CFH: variants seen among roughly 807,000 people sequenced by gnomAD.
CFH encodes the protein complement factor H, also known as H factor 1 (complement).
CFH carries 53 observed loss-of-function variants against 147.3 expected under a neutral mutation model. That is an observed-to-expected ratio of 0.36 (90% CI 0.29 to 0.45). The LOEUF (loss-of-function observed/expected upper bound fraction) is 0.45. Among genes scored for constraint, CFH ranks in the 20% least tolerant of loss-of-function variants. The pLI, the probability that CFH is intolerant of heterozygous loss-of-function variation, is 1.00. For missense variants in CFH, 1,380 were observed against 1,498.0 expected (o/e 0.92, Z 1.30); for synonymous variants, 536 against 489.4 (o/e 1.10, Z -1.26).
chr1:196,696,592 T>A (rs1016833687), intron 9 of CFH, among the ~76,000 whole-genome samples: 2 of 152,162 alleles, frequency 1.3e-5, no homozygotes, highest in African/African-American at 4.8e-5. Flanking sequence ...TAAATTACCT[T>A]TGGCAGCATG....
intron 12 of CFH, 124 bp downstream of exon 12, chr1:196,725,421 G>A: frequency 1.1e-6 from 1 of 900,308 alleles, no homozygotes; most frequent in Non-Finnish European, 1.8e-6. Flanking sequence ...ATATTTGCCT[G>A]TGAAGGACAT....
chr1:196,715,529 G>C (rs1273606279), intron 10 of CFH, 64 bp from the exon 11 acceptor site: 1 of 1,293,806 alleles, frequency 7.7e-7, no homozygotes, highest in Admixed American at 1.7e-5. Flanking sequence ...TCTTAGAATG[G>C]GAAATACTCA....
At chr1:196,724,710 T>C (rs187377482) in intron 11 of CFH, among the ~76,000 whole-genome samples, 19 of 152,358 alleles carry the variant, frequency 1.2e-4, no homozygotes, top group Middle Eastern at 6.8e-3. Context: ...TGAGGAGAAC[T>C]TGTGTCCAAA....
intron 9 of CFH, among the ~76,000 whole-genome samples, chr1:196,708,077 T>C (rs1668636037): frequency 6.6e-6 from 1 of 152,182 alleles, no homozygotes. Context: ...TATGTGGACA[T>C]TCTAAAATTT....
At chr1:196,690,926 A>C (rs1415336482) in intron 9 of CFH, among the ~76,000 whole-genome samples, 1 of 152,166 alleles carries the variant, frequency 6.6e-6, no homozygotes, top group Admixed American at 6.6e-5. Flanking sequence ...TGCACCTGCC[A>C]TATGAACATG....
At chr1:196,695,786 C>A (rs1029392000) in intron 9 of CFH, among the ~76,000 whole-genome samples, 25 of 152,146 alleles carry the variant, frequency 1.6e-4, no homozygotes, top group African/African-American at 5.8e-4. Flanking sequence ...TGGGAGTTCA[C>A]TCATGATTTG....
chr1:196,745,750 G>C (rs1308536978), intron 20 of CFH, 67 bp from the exon 21 acceptor site: 2 of 1,607,176 alleles, frequency 1.2e-6, no homozygotes, highest in East Asian at 2.2e-5. Flanking sequence ...GTTTGCGTTT[G>C]CCTTATTTGA....
intron 15 of CFH, among the ~76,000 whole-genome samples, chr1:196,734,715 T>C (rs149144099): frequency 6.1e-4 from 93 of 152,154 alleles, no homozygotes; most frequent in Non-Finnish European, 1.1e-3. Flanking sequence ...GTCACTGCCC[T>C]CTTTCATCCT....
chr1:196,664,095 C>G (rs1469626822), intron 1 of CFH, among the ~76,000 whole-genome samples: 1 of 152,096 alleles, frequency 6.6e-6, no homozygotes. Flanking sequence ...CTCACCCTGT[C>G]TCTCGGCTGG....
At chr1:196,735,251 A>G (rs1217340958) in intron 15 of CFH, among the ~76,000 whole-genome samples, 1 of 152,074 alleles carries the variant, frequency 6.6e-6, no homozygotes, top group East Asian at 1.9e-4. Context: ...TTTTTTCTAG[A>G]TAAGTGATTT....
At chr1:196,709,397 A>G (rs1488042255) in intron 9 of CFH, among the ~76,000 whole-genome samples, 1 of 152,144 alleles carries the variant, frequency 6.6e-6, no homozygotes, top group African/African-American at 2.4e-5. Context: ...GGTTGTTACA[A>G]GACGGTTTCA....
rs550000942 is a variant in CFH, at chr1:196,717,706, A to G, written c.1696+1937A>G. On this transcript the variant is annotated intron_variant, in intron 11 of 21. Transcript: ENST00000367429. ...GGGATAATTAAAAGAAAAAAGATGG[A>G]AGACACCAGAGCAGATACAGCAAAA... 2.6e-5 allele frequency among the ~76,000 whole-genome samples: 4 copies of G among 152,228 alleles called. No individual in the cohort carries two copies. The East Asian group carries it at 7.7e-4, about 29-fold the overall frequency.
At chr1:196,709,178 C>G (rs1668667541) in intron 9 of CFH, among the ~76,000 whole-genome samples, 1 of 152,148 alleles carries the variant, frequency 6.6e-6, no homozygotes, top group Admixed American at 6.6e-5. Flanking sequence ...GTCTCTACCA[C>G]AGACCCTATG....
intron 9 of CFH, among the ~76,000 whole-genome samples, chr1:196,709,674 C>T (rs1161891754): frequency 6.6e-6 from 1 of 152,068 alleles, no homozygotes; most frequent in African/African-American, 2.4e-5. Flanking sequence ...GATTACTACC[C>T]TAGGATAAAG....
At chr1:196,704,016 T>C (rs1668526311) in intron 9 of CFH, among the ~76,000 whole-genome samples, 1 of 151,128 alleles carries the variant, frequency 6.6e-6, no homozygotes, top group Non-Finnish European at 1.5e-5. Flanking sequence ...GACAGAGTTT[T>C]TCTATACATC....
intron 9 of CFH, among the ~76,000 whole-genome samples, chr1:196,706,399 A>C (rs1049525758): frequency 1.9e-4 from 29 of 152,142 alleles, no homozygotes; most frequent in African/African-American, 6.3e-4. Flanking sequence ...ACAATTTGGT[A>C]GCAAGAAAAA....
intron 15 of CFH, among the ~76,000 whole-genome samples, chr1:196,733,829 A>G (rs1398407519): frequency 6.6e-6 from 1 of 152,090 alleles, no homozygotes; most frequent in Non-Finnish European, 1.5e-5. Flanking sequence ...ATGCAAGTTC[A>G]TTAGAATCCA....
chr1:196,736,915 A>G lies in CFH; in HGVS notation c.2505A>G (p.Val835=), dbSNP rs1176381505. 6.2e-7 allele frequency: 1 copy of G among 1,611,260 alleles called. No homozygotes were observed. Among genetic ancestry groups the G allele is most frequent in the South Asian group, 1.1e-5 (1 of 90,880 alleles). ...TGAATTATCGGGATGGAGAAAAAGT[A>G]TCTGTTCTTTGCCAAGAAAATTATC... The part of the protein sequence containing the change: ...TTLNYRDGEK[V]SVLCQENYLI... The change falls in exon 16 of 22, where the codon GTA becomes GTG. Residue 835 remains valine, a synonymous_variant. Coordinates refer to ENST00000367429, the MANE Select transcript of CFH (RefSeq NM_000186.4).
intron 13 of CFH, 28 bp downstream of exon 13, chr1:196,726,680 CTT>C (rs529473208): frequency 1.2e-5 from 20 of 1,604,446 alleles, no homozygotes; most frequent in African/African-American, 9.4e-5. Flanking sequence ...AATATTTAAA[CTT>C]GTCAAAACTT....
Sources: gnomAD v4.1 joint callset for allele counts (sites outside exome capture counted in the v4.1 genomes callset) on GRCh38, gnomAD v4.1.1 for gene constraint, MANE v1.5 for transcripts, NCBI Gene and HGNC (gene_info 2026-07-23, HGNC 2026-07-21) for gene names.